PRSS38: variants seen among roughly 807,000 people sequenced by gnomAD.
PRSS38 encodes marapsin 2.
PRSS38 carries 22 observed loss-of-function variants against 26.8 expected under a neutral mutation model. The observed-to-expected ratio is 0.82, with a 90% confidence interval of 0.59 to 1.17. The LOEUF is 1.17. Among genes scored for constraint, PRSS38 ranks in the 50% most tolerant of loss-of-function variants. The probability of loss-of-function intolerance (pLI) is 0.00; values close to 1 mark genes in which losing one functional copy is unlikely to be tolerated. For synonymous variants in PRSS38, 175 were observed against 172.1 expected, an observed-to-expected ratio of 1.02 and a Z score of -0.13; for missense variants, 427 against 422.7, an observed-to-expected ratio of 1.01 and a Z score of -0.09.
At chr1:227,825,228 C>T (rs530204219) in intron 3 of PRSS38, among the ~76,000 whole-genome samples, 6 of 152,100 alleles carry the variant, frequency 3.9e-5, no homozygotes, top group Non-Finnish European at 7.4e-5. Context: ...CAGTCTGTCA[C>T]CAGGCTGGGC....
chr1:227,820,182 G>T (rs186304919), intron 3 of PRSS38, among the ~76,000 whole-genome samples: 1 of 148,286 alleles, frequency 6.7e-6, no homozygotes, highest in Non-Finnish European at 1.5e-5. Context: ...TTTATTATAT[G>T]TAGTAGTTTT....
At chr1:227,821,349 A>G (rs1225732111) in intron 3 of PRSS38, among the ~76,000 whole-genome samples, 3 of 152,162 alleles carry the variant, frequency 2.0e-5, no homozygotes, top group African/African-American at 7.2e-5. Context: ...AAATATATGC[A>G]TGCATGTATC....
Position 227,816,364 on chromosome 1 carries a change from TCAC to T in PRSS38, c.311+116_311+118del, listed in dbSNP as rs112623544. On this transcript the variant is annotated intron_variant, in intron 2 of 4. Transcript: ENST00000366757. The surrounding 1 kb of genome is among the most constrained non-coding windows in gnomAD (Gnocchi z 5.1). The stretch of plus-strand genomic sequence containing the variant: ...CCCCCATCACCATTGTCGACTCCCT[TCAC>T]CACTGTCGACCCGCGCAAGGCCAGG... 1.1e-3 allele frequency: 1,348 copies of T among 1,190,514 alleles called. 16 individuals carry two copies. In the African/African-American group the frequency reaches 0.019, roughly 17 times the overall value. The allele number at this position is 1,190,514 out of a possible 1,614,324, so 73.7% of individuals were successfully genotyped here.
intron 3 of PRSS38, 48 bp downstream of exon 3, chr1:227,817,528 C>T: frequency 6.3e-7 from 1 of 1,588,994 alleles, no homozygotes. Context: ...GGCTTCTCTT[C>T]CACCACAGGG....
At chr1:227,828,315 G>A (rs1239603527) in intron 3 of PRSS38, among the ~76,000 whole-genome samples, 1 of 152,166 alleles carries the variant, frequency 6.6e-6, no homozygotes, top group East Asian at 1.9e-4. Context: ...ATTACTGTGT[G>A]GGAGTCTAAG....
intron 3 of PRSS38, among the ~76,000 whole-genome samples, chr1:227,834,185 C>T (rs1190793519): frequency 6.6e-6 from 1 of 152,118 alleles, no homozygotes. Context: ...GGGAGCCTGG[C>T]CCTTCTGACA....
At chr1:227,821,785 G>C (rs1558232837) in intron 3 of PRSS38, among the ~76,000 whole-genome samples, 1 of 152,094 alleles carries the variant, frequency 6.6e-6, no homozygotes, top group South Asian at 2.1e-4. Flanking sequence ...GTTTTTGACA[G>C]TTTGATTATA....
chr1:227,843,643 A>G (rs1347292116), intron 3 of PRSS38, among the ~76,000 whole-genome samples: 2 of 152,146 alleles, frequency 1.3e-5, no homozygotes, highest in Non-Finnish European at 2.9e-5. Context: ...CAGAGGTTGC[A>G]GTGAGCCAAG....
chr1:227,830,661 T>TTTA (rs573693566), intron 3 of PRSS38, among the ~76,000 whole-genome samples: 245 of 151,216 alleles, frequency 1.6e-3, no homozygotes, highest in African/African-American at 4.4e-3. Context: ...CCTGCTAATT[T>TTTA]TTATTATTAT....
exon 5 of PRSS38, chr1:227,846,181 C>T: frequency 6.2e-7 from 1 of 1,612,170 alleles, no homozygotes; most frequent in South Asian, 1.1e-5. Flanking sequence ...TCCTAATGGC[C>T]ATGCTGGCTG....
chr1:227,825,648 T>C (rs1454655820), intron 3 of PRSS38, among the ~76,000 whole-genome samples: 1 of 152,176 alleles, frequency 6.6e-6, no homozygotes, highest in African/African-American at 2.4e-5. Context: ...CCTTTTCCCA[T>C]TGCTTGTTTT....
intron 3 of PRSS38, among the ~76,000 whole-genome samples, chr1:227,835,909 CTTAAT>C (rs1665231720): frequency 6.6e-6 from 1 of 152,124 alleles, no homozygotes; most frequent in Non-Finnish European, 1.5e-5. Context: ...CTTTAAAATG[CTTAAT>C]TTAATGTAAC....
chr1:227,822,219 T>C (rs1352043780), intron 3 of PRSS38, among the ~76,000 whole-genome samples: 2 of 152,098 alleles, frequency 1.3e-5, no homozygotes, highest in Non-Finnish European at 2.9e-5. Context: ...TATCTTTTTG[T>C]TCATATATTA....
intron 3 of PRSS38, among the ~76,000 whole-genome samples, chr1:227,842,629 G>C (rs1016848449): frequency 3.3e-5 from 5 of 151,756 alleles, no homozygotes; most frequent in East Asian, 1.9e-4. Flanking sequence ...GCTCAGGCTG[G>C]AGTGCAATGG....
exon 3 of PRSS38, chr1:227,817,373 G>C (rs74588116): frequency 1.2e-6 from 2 of 1,614,154 alleles, no homozygotes; most frequent in Non-Finnish European, 8.5e-7. Flanking sequence ...CTGAAGACCC[G>C]CATTGTGTTT....
chr1:227,830,501 C>CTTT (rs1243159470), intron 3 of PRSS38, among the ~76,000 whole-genome samples: 3 of 125,154 alleles, frequency 2.4e-5, no homozygotes, highest in Non-Finnish European at 5.0e-5. Flanking sequence ...AAGGTGTCTA[C>CTTT]TTTTTTTTTT....
Position 227,816,051 on chromosome 1 carries a change from C to G in PRSS38, c.149-39C>G. The G allele has an allele frequency of 6.3e-7, 1 of 1,593,986 alleles. No individual in the cohort carries two copies. Among genetic ancestry groups the G allele is most frequent in the Non-Finnish European group, 8.6e-7 (1 of 1,167,404 alleles). On this transcript the variant is annotated intron_variant, in intron 1 of 4. Transcript: ENST00000366757. This position sits in a 1 kb window ranked among gnomAD's most constrained non-coding sequence, Gnocchi z 5.1. ...CTGCCTGCCCTACCTCTCCCGTGGC[C>G]CCAGCATGGCTCCACCGTCAGCTCC... is the stretch of plus-strand genomic sequence containing the variant.
chr1:227,829,066 C>T (rs945344644), intron 3 of PRSS38, among the ~76,000 whole-genome samples: 1 of 152,212 alleles, frequency 6.6e-6, no homozygotes, highest in Admixed American at 6.5e-5. Flanking sequence ...GGCCATCACC[C>T]CACCCTGCCT....
chr1:227,835,098 G>A (rs1241110375), intron 3 of PRSS38, among the ~76,000 whole-genome samples: 2 of 152,148 alleles, frequency 1.3e-5, no homozygotes, highest in Non-Finnish European at 2.9e-5. Flanking sequence ...CACGTCATTA[G>A]TCATTAGGAA....
Sources: allele counts gnomAD v4.1 joint callset (sites outside exome capture counted in the v4.1 genomes callset), GRCh38; gene constraint gnomAD v4.1.1; non-coding constraint Gnocchi (gnomAD v3.1); transcripts MANE v1.5; gene names NCBI Gene and HGNC (gene_info 2026-07-23, HGNC 2026-07-21).